FOCAD: variants seen among roughly 807,000 people sequenced by gnomAD.
FOCAD encodes KIAA1797.
FOCAD carries 198 observed loss-of-function variants against 225.6 expected under a neutral mutation model. The ratio of observed to expected loss-of-function variants is 0.88; its 90% CI spans 0.78 to 0.99. The LOEUF (loss-of-function observed/expected upper bound fraction) is 0.99. FOCAD is among the 50% of genes least tolerant of loss of function. The pLI is 0.00. For synonymous variants in FOCAD, 897 were observed against 755.0 expected (o/e 1.19, Z -3.08); for missense variants, 2,713 against 2,123.6 (o/e 1.28, Z -5.46).
intron 15 of FOCAD, among the ~76,000 whole-genome samples, chr9:20,847,076 A>G (rs985760287): frequency 1.4e-4 from 21 of 152,090 alleles, no homozygotes; most frequent in Admixed American, 1.1e-3. Flanking sequence ...ATTGAGATAA[A>G]ATTTATATAT....
intron 4 of FOCAD, among the ~76,000 whole-genome samples, chr9:20,722,689 T>G (rs866277553): frequency 1.3e-5 from 2 of 152,232 alleles, no homozygotes; most frequent in South Asian, 4.1e-4. Flanking sequence ...AATAATTCTA[T>G]TGTATACCAA....
rs777890055 is a variant in FOCAD at position 20,990,187 on chromosome 9, C to T, written c.5069C>T (p.Pro1690Leu). The change falls in exon 42 of 44, where the codon CCT becomes CTT. Residue 1690 changes from proline to leucine, a missense_variant. Physicochemically the swap from Pro to Leu is moderately conservative, Grantham distance 98. Coordinates refer to ENST00000338382, the MANE Select transcript of FOCAD (RefSeq NM_001375567.1). ...AVVAWADHTA[P>L]LLLGLSASWL... ...GTTGCATGGGCTGACCACACTGCCC[C>T]TCTCCTCCTCGGCCTCAGTGCCAGT... 30 of 1,614,086 alleles carry T rather than the reference C, an allele frequency of 1.9e-5. No homozygotes were observed. The South Asian group carries it at 2.9e-4, about 15-fold the overall frequency.
Position 20,874,821 on chromosome 9 carries a change from G to A in FOCAD, c.2317+14G>A, listed in dbSNP as rs367568238. The A allele has an allele frequency of 1.2e-6, 2 of 1,613,082 alleles. No homozygotes were observed. Among genetic ancestry groups the A allele is most frequent in the African/African-American group, 2.7e-5 (2 of 74,814 alleles). On this transcript the variant is annotated intron_variant, in intron 19 of 43. Coordinates refer to ENST00000338382, the MANE Select transcript of FOCAD (RefSeq NM_001375567.1). ...TGGTTTTACCAGGTGACTCCTATTT[G>A]GTAGTAGAGAAGCTAGCATTTTTTA...
intron 24 of FOCAD, among the ~76,000 whole-genome samples, chr9:20,922,892 T>G (rs1292454126): frequency 2.0e-5 from 3 of 152,226 alleles, no homozygotes; most frequent in Non-Finnish European, 4.4e-5. Flanking sequence ...GGAATAATAT[T>G]AAATGTACAT....
chr9:20,658,131 C>T (rs1250555401), upstream of FOCAD, among the ~76,000 whole-genome samples: 2 of 151,308 alleles, frequency 1.3e-5, no homozygotes, highest in East Asian at 2.0e-4. Context: ...GGCAGTCTGC[C>T]CGTTCTCAGA....
intron 5 of FOCAD, among the ~76,000 whole-genome samples, chr9:20,749,301 C>A (rs1828338293): frequency 1.3e-5 from 2 of 152,092 alleles, no homozygotes; most frequent in African/African-American, 4.8e-5. Context: ...GGTGTTGTGA[C>A]TCAAAAATGA....
At chr9:20,939,832 C>T (rs1480591756) in intron 28 of FOCAD, among the ~76,000 whole-genome samples, 1 of 150,896 alleles carries the variant, frequency 6.6e-6, no homozygotes, top group African/African-American at 2.4e-5. Context: ...ATACATGTGC[C>T]ATGTTGGTGT....
At position 20,764,867 on chromosome 9, in the gene FOCAD, A is replaced by G. The variant is rs949445086; in HGVS notation, c.495-2A>G. The G allele has an allele frequency of 2.5e-6, 4 of 1,611,646 alleles. No individual in the cohort carries two copies. In the Admixed American group the frequency reaches 6.7e-5, roughly 27 times the overall value. On this transcript the variant is annotated splice_acceptor_variant, in intron 6 of 43. Coordinates refer to ENST00000338382, the MANE Select transcript of FOCAD (RefSeq NM_001375567.1). LOFTEE classifies it high-confidence loss of function. ...CTGGCTAATGTATTTCATGTCTTAT[A>G]GGTTAGAAGTTTCATGCATTCAAAT... is the stretch of plus-strand genomic sequence containing the variant.
chr9:20,842,430 G>T (rs574585872), intron 15 of FOCAD, among the ~76,000 whole-genome samples: 2 of 151,722 alleles, frequency 1.3e-5, no homozygotes, highest in Admixed American at 1.3e-4. Flanking sequence ...CCAGTGTTGG[G>T]TACATATATA....
At chr9:20,918,450 G>A (rs547837768) in intron 24 of FOCAD, among the ~76,000 whole-genome samples, 19 of 152,356 alleles carry the variant, frequency 1.2e-4, no homozygotes, top group South Asian at 2.1e-4. Flanking sequence ...GTGGCCGGGC[G>A]CGGTGGCTCA....
At position 20,770,226 on chromosome 9, in the gene FOCAD, A is replaced by G; in HGVS notation, c.894A>G (p.Glu298=). The G allele has an allele frequency of 6.2e-7, 1 of 1,613,814 alleles. No individual in the cohort carries two copies. Among genetic ancestry groups the G allele is most frequent in the Non-Finnish European group, 8.5e-7 (1 of 1,179,794 alleles). ...TTCACCTTTTAGAGCACAGTGTTGA[A>G]CTTCTGAAGGAGGTAAGGATAGTAG... ...SSIHLLEHSV[E]LLKEDFPVEL... The change falls in exon 8 of 44, where the codon GAA becomes GAG. Residue 298 remains glutamate, a synonymous_variant. Transcript: ENST00000338382.
chr9:20,950,915 G>A, intron 33 of FOCAD, 81 bp from the exon 34 acceptor site: 2 of 1,211,052 alleles, frequency 1.7e-6, no homozygotes, highest in Non-Finnish European at 2.4e-6. Flanking sequence ...CTAAATGACT[G>A]GTGACTTTCT....
chr9:20,744,842 CTT>C (rs1308197207), intron 5 of FOCAD, among the ~76,000 whole-genome samples: 1 of 152,154 alleles, frequency 6.6e-6, no homozygotes, highest in East Asian at 1.9e-4. Context: ...CCAATTCAAA[CTT>C]TTCAAAATGT....
chr9:20,804,128 T>C (rs1458645425), intron 11 of FOCAD, among the ~76,000 whole-genome samples: 1 of 152,096 alleles, frequency 6.6e-6, no homozygotes, highest in Non-Finnish European at 1.5e-5. Context: ...ACTTTAAATT[T>C]TTTTTGTGTG....
intron 5 of FOCAD, among the ~76,000 whole-genome samples, chr9:20,745,681 C>T (rs1411510935): frequency 6.6e-6 from 1 of 152,068 alleles, no homozygotes; most frequent in Non-Finnish European, 1.5e-5. Flanking sequence ...CTGCTTGTTC[C>T]AGAATTCGTG....
chr9:20,759,083 G>A (rs1464500954), intron 6 of FOCAD, among the ~76,000 whole-genome samples: 1 of 152,084 alleles, frequency 6.6e-6, no homozygotes, highest in African/African-American at 2.4e-5. Flanking sequence ...CCTCTTCAAG[G>A]AGAACTACAA....
At chr9:20,705,725 GA>G (rs924863199) in intron 1 of FOCAD, among the ~76,000 whole-genome samples, 90 of 145,802 alleles carry the variant, frequency 6.2e-4, no homozygotes, top group East Asian at 1.4e-3. Context: ...TATAATATTG[GA>G]AAAAAAAAAG....
intron 24 of FOCAD, among the ~76,000 whole-genome samples, chr9:20,919,032 A>C (rs1834130309): frequency 6.6e-6 from 1 of 152,076 alleles, no homozygotes; most frequent in African/African-American, 2.4e-5. Context: ...TAAATGCAAA[A>C]AGTGACATAC....
intron 21 of FOCAD, among the ~76,000 whole-genome samples, chr9:20,906,738 A>G (rs1052889308): frequency 9.2e-5 from 14 of 152,074 alleles, no homozygotes; most frequent in African/African-American, 2.9e-4. Context: ...CAGAATGGTC[A>G]TATTGGAAAT....
Sources: gnomAD v4.1 joint callset for allele counts (sites outside exome capture counted in the v4.1 genomes callset) on GRCh38, gnomAD v4.1.1 for gene constraint, MANE v1.5 for transcripts, NCBI Gene and HGNC (gene_info 2026-07-23, HGNC 2026-07-21) for gene names.